The following IGSF10 variants were observed in gnomAD, a reference collection of about 807,000 sequenced individuals.
The protein encoded by IGSF10 is immunoglobulin superfamily member 10.
Under a neutral mutation model 128.2 loss-of-function variants are expected in IGSF10, and 126 were observed. The ratio of observed to expected loss-of-function variants is 0.98; its 90% confidence interval spans 0.85 to 1.14. The LOEUF (loss-of-function observed/expected upper bound fraction) is 1.14. IGSF10 is among the 50% of genes most tolerant of loss of function. IGSF10 has a pLI of 0.00. For missense variants in IGSF10, 3,295 were observed against 3,149.8 expected (o/e 1.05, Z -1.10); for synonymous variants, 1,185 against 1,146.2 (o/e 1.03, Z -0.68).
chr3:151,591,698 A>C, the IGSF10 span, among the ~76,000 whole-genome samples: 1 of 152,104 alleles, frequency 6.6e-6, no homozygotes, highest in Non-Finnish European at 1.5e-5. Context: ...GATAATATTT[A>C]GCTCTTTAGG....
At chr3:151,562,268 G>C in the IGSF10 span, among the ~76,000 whole-genome samples, 1,095 of 152,246 alleles carry the variant, frequency 7.2e-3, 11 homozygotes, top group South Asian at 0.015. Flanking sequence ...AGCAATGTCA[G>C]GAAGTTACCA....
At chr3:151,461,361 C>T (rs1042177243), upstream of IGSF10, 3 of 985,358 alleles carry the variant, frequency 3.0e-6, no homozygotes, top group Non-Finnish European at 3.6e-6. Context: ...TCGCCGCAGG[C>T]TGTCCTTGGT....
chr3:151,435,824 A>ATT (rs1720105423), downstream of IGSF10: 1 of 147,894 alleles, frequency 6.8e-6, no homozygotes, highest in East Asian at 2.3e-4. Flanking sequence ...GTGAAACTTC[A>ATT]TTATATATAA....
chr3:151,463,534 T>TTG (rs1401221070), upstream of IGSF10, among the ~76,000 whole-genome samples: 12,453 of 54,106 alleles, frequency 0.23, 3,466 homozygotes, highest in Non-Finnish European at 0.24. Flanking sequence ...TTTTTTTTTT[T>TTG]TTTTTTTTTT....
the IGSF10 span, among the ~76,000 whole-genome samples, chr3:151,567,586 A>AG: frequency 1.3e-5 from 2 of 152,212 alleles, no homozygotes; most frequent in African/African-American, 4.8e-5. Context: ...GTTACCTGGG[A>AG]GGGTCTCTTT....
chr3:151,617,609 G>T, the IGSF10 span, among the ~76,000 whole-genome samples: 1 of 152,018 alleles, frequency 6.6e-6, no homozygotes, highest in Non-Finnish European at 1.5e-5. Context: ...TTTTGAGTTG[G>T]TGCTGAAGTG....
chr3:151,521,815 A>T, the IGSF10 span, among the ~76,000 whole-genome samples: 3 of 152,012 alleles, frequency 2.0e-5, 1 homozygote, highest in African/African-American at 2.4e-5. Flanking sequence ...CAGAAGAACA[A>T]ATCAATCCCA....
the IGSF10 span, among the ~76,000 whole-genome samples, chr3:151,486,688 T>C: frequency 6.6e-6 from 1 of 152,148 alleles, no homozygotes; most frequent in East Asian, 1.9e-4. Context: ...ACATGGAAAC[T>C]GAACAACCTC....
chr3:151,583,272 T>G, the IGSF10 span, among the ~76,000 whole-genome samples: 1 of 152,166 alleles, frequency 6.6e-6, no homozygotes, highest in African/African-American at 2.4e-5. Flanking sequence ...CTTCTAGAGA[T>G]GAATACCCAT....
At chr3:151,528,865 C>T in the IGSF10 span, among the ~76,000 whole-genome samples, 1 of 151,574 alleles carries the variant, frequency 6.6e-6, no homozygotes, top group Admixed American at 6.6e-5. Flanking sequence ...CTGTTCACTC[C>T]CCTGGAAAGG....
chr3:151,511,739 C>CA, the IGSF10 span, among the ~76,000 whole-genome samples: 2 of 152,054 alleles, frequency 1.3e-5, no homozygotes, highest in South Asian at 4.1e-4. Flanking sequence ...TGCAGAGACA[C>CA]ACATGCTCAA....
the IGSF10 span, among the ~76,000 whole-genome samples, chr3:151,595,626 C>T: frequency 6.7e-6 from 1 of 148,396 alleles, no homozygotes; most frequent in Non-Finnish European, 1.5e-5. Context: ...TCCTGTCATT[C>T]GTGACAACAT....
chr3:151,611,947 T>C, the IGSF10 span, among the ~76,000 whole-genome samples: 1 of 152,198 alleles, frequency 6.6e-6, no homozygotes, highest in Non-Finnish European at 1.5e-5. Flanking sequence ...CAGTCTTAAG[T>C]CATTTTGCCA....
intron 5 of IGSF10, among the ~76,000 whole-genome samples, chr3:151,451,809 A>T (rs1049093236): frequency 1.3e-5 from 2 of 152,260 alleles, no homozygotes; most frequent in Non-Finnish European, 2.9e-5. Flanking sequence ...AAGTATGTAA[A>T]AAAGAATGGA....
chr3:151,617,318 T>TCTTCTTCTTCTTCTCCTCCTCCTC, the IGSF10 span, among the ~76,000 whole-genome samples: 1 of 78,998 alleles, frequency 1.3e-5, no homozygotes, highest in African/African-American at 5.5e-5. Flanking sequence ...TTCTTCTTCT[T>TCTTCTTCTTCTTCTCCTCCTCCTC]CCCCTCCTCC....
In IGSF10 at chr3:151,445,617, G is replaced by T. The variant is rs1226019160; in HGVS notation, c.4364C>A (p.Ala1455Glu). 6.2e-7 allele frequency: 1 copy of T among 1,614,106 alleles called. No homozygotes were observed. The highest frequency in any genetic ancestry group is 8.5e-7 in the Non-Finnish European group (1 of 1,180,046). The change falls in exon 6 of 8, where the codon GCA becomes GAA. Residue 1455 changes from alanine to glutamate, a missense_variant. Coordinates refer to ENST00000282466, the MANE Select transcript of IGSF10 (RefSeq NM_178822.5). ...KSHQSTTTRK[A>E]IIRHSTIPPF... ...TGGTATGGTTGAGTGTCTAATGATT[G>T]CTTTCCTAGTTGTGGTACTCTGGTG...
the IGSF10 span, among the ~76,000 whole-genome samples, chr3:151,564,661 T>C: frequency 1.3e-5 from 2 of 152,166 alleles, no homozygotes; most frequent in Non-Finnish European, 2.9e-5. Context: ...CTTTGCTTGA[T>C]ATCTGCATGC....
the IGSF10 span, among the ~76,000 whole-genome samples, chr3:151,523,513 C>T: frequency 3.6e-4 from 55 of 152,040 alleles, no homozygotes; most frequent in Admixed American, 3.5e-3. Context: ...AAATAAAGCC[C>T]CACATCTATG....
the IGSF10 span, among the ~76,000 whole-genome samples, chr3:151,560,703 C>CT: frequency 1.0e-4 from 4 of 39,646 alleles, no homozygotes; most frequent in South Asian, 1.1e-3. Flanking sequence ...ATTGCCATAG[C>CT]CCCCCCCTCC....
Sources: gnomAD v4.1 joint callset for allele counts (sites outside exome capture counted in the v4.1 genomes callset) on GRCh38, gnomAD v4.1.1 for gene constraint, MANE v1.5 for transcripts, NCBI Gene and HGNC (gene_info 2026-07-23, HGNC 2026-07-21) for gene names.